Variants in P3H1 observed in about 807,000 individuals in gnomAD.
P3H1 encodes the protein prolyl 3-hydroxylase 1, also known as growth suppressor 1.
In P3H1, 69 loss-of-function variants were observed where a neutral mutation model predicts 84.0. The ratio of observed to expected loss-of-function variants is 0.82; its 90% confidence interval spans 0.68 to 1.00. The LOEUF is 1.00. P3H1 is among the 50% of genes least tolerant of loss of function. P3H1 has a pLI of 0.00. For synonymous variants in P3H1, 366 were observed against 388.8 expected (o/e 0.94, Z 0.69); for missense variants, 878 against 962.8 (o/e 0.91, Z 1.17).
intron 5 of P3H1, among the ~76,000 whole-genome samples, chr1:42,757,310 C>T (rs1652453138): frequency 6.6e-6 from 1 of 152,068 alleles, no homozygotes; most frequent in African/African-American, 2.4e-5. Flanking sequence ...ACAGATATTT[C>T]TCCTGGTTTT....
At chr1:42,766,448 C>T in intron 1 of P3H1, 59 bp downstream of exon 1, 2 of 1,445,878 alleles carry the variant, frequency 1.4e-6, no homozygotes, top group Non-Finnish European at 1.9e-6. Flanking sequence ...CCTCAGGTCC[C>T]CTGCAACACT....
At chr1:42,747,522 G>A in intron 13 of P3H1, 110 bp from the exon 14 acceptor site, 2 of 1,192,944 alleles carry the variant, frequency 1.7e-6, no homozygotes, top group Admixed American at 1.8e-5. Flanking sequence ...TCTTCAGTAT[G>A]GCTTCCCTAA....
Position 42,746,632 on chromosome 1 carries a change from A to C in P3H1, c.*65T>G. ...GCTCTGCAGCCCCGAGGGGCTGGCC[A>C]GCTCAGAGTGCAGAAGAGTTCCTCT... On this transcript the variant is annotated 3_prime_UTR_variant, in exon 15 of 15. Coordinates refer to ENST00000296388, the MANE Select transcript of P3H1 (RefSeq NM_022356.4). The C allele has an allele frequency of 7.3e-7, 1 of 1,372,862 alleles. No homozygotes were observed. Among genetic ancestry groups the C allele is most frequent in the Non-Finnish European group, 1.0e-6 (1 of 985,856 alleles). The allele number at this position is 1,372,862 out of a possible 1,614,324, so 85.0% of individuals were successfully genotyped here.
At chr1:42,750,527 T>C (rs570508077) in intron 10 of P3H1, among the ~76,000 whole-genome samples, 191 bp from the exon 11 acceptor site, 6 of 152,222 alleles carry the variant, frequency 3.9e-5, no homozygotes, top group Admixed American at 3.9e-4. Flanking sequence ...TCTCACGAGA[T>C]CTGGTGGCTT....
intron 1 of P3H1, among the ~76,000 whole-genome samples, chr1:42,762,846 T>A (rs1451260336): frequency 1.3e-5 from 2 of 152,100 alleles, no homozygotes; most frequent in African/African-American, 2.4e-5. Context: ...AATCCCAGCA[T>A]TTTTAGAGGC....
At chr1:42,750,478 G>T (rs1376734498) in intron 10 of P3H1, 142 bp from the exon 11 acceptor site, 4 of 876,852 alleles carry the variant, frequency 4.6e-6, no homozygotes, top group African/African-American at 3.3e-5. Context: ...AATAATGGGG[G>T]TGGATCTTTC....
intron 2 of P3H1, among the ~76,000 whole-genome samples, chr1:42,759,596 C>A (rs1039938031): frequency 6.6e-6 from 1 of 152,064 alleles, no homozygotes; most frequent in African/African-American, 2.4e-5. Context: ...ACATTTAGCT[C>A]TTTTTTTCTT....
At chr1:42,748,867 T>C (rs1444053143) in intron 11 of P3H1, 1 of 206,064 alleles carries the variant, frequency 4.9e-6, no homozygotes. Context: ...AGACCACGTC[T>C]TTCCCCAACG....
chr1:42,747,550 A>C (rs900444881), intron 13 of P3H1, 138 bp from the exon 14 acceptor site: 1 of 1,115,442 alleles, frequency 9.0e-7, no homozygotes, highest in Non-Finnish European at 1.4e-6. Context: ...ACTAAAGAGA[A>C]AGGGTGACTG....
intron 1 of P3H1, among the ~76,000 whole-genome samples, chr1:42,765,376 T>A (rs548893378): frequency 6.6e-6 from 1 of 152,360 alleles, no homozygotes; most frequent in South Asian, 2.1e-4. Context: ...CCTAAGTATA[T>A]GCCCTTGCAG....
intron 2 of P3H1, 63 bp from the exon 3 acceptor site, chr1:42,759,453 C>G (rs1557573814): frequency 1.4e-6 from 2 of 1,447,842 alleles, no homozygotes; most frequent in East Asian, 4.7e-5. Context: ...TCCTTGCCCT[C>G]AGCCACCTTC....
chr1:42,751,546 A>G, intron 10 of P3H1: 1 of 143,344 alleles, frequency 7.0e-6, no homozygotes, highest in African/African-American at 2.6e-5. Context: ...CTCTGCGAGA[A>G]ACACCCAAGA....
rs778221859 is a variant in P3H1, at chr1:42,752,279, G to A, written c.1564C>T (p.Leu522Phe). ...KFYGVTVFKA[L>F]KLGQEGKVPL... ...ATGCCCAGTGTTGATCTTACCTTGA[G>A]GGCTTTGAAGACAGTGACACCATAG... The change falls in exon 10 of 15, where the codon CTC becomes TTC. Residue 522 changes from leucine (L) to phenylalanine (F), a missense_variant. Transcript: ENST00000296388. 2.5e-6 allele frequency: 4 copies of A among 1,613,150 alleles called. No homozygotes were observed. The highest frequency in any genetic ancestry group is 3.4e-6 in the Non-Finnish European group (4 of 1,179,162).
intron 8 of P3H1, among the ~76,000 whole-genome samples, chr1:42,753,670 C>G (rs946613913): frequency 7.9e-5 from 12 of 152,180 alleles, no homozygotes; most frequent in Non-Finnish European, 1.5e-4. Flanking sequence ...TGCCTATAAT[C>G]TCAGCACTTT....
chr1:42,762,237 C>A, intron 2 of P3H1, 86 bp downstream of exon 2: 1 of 1,432,254 alleles, frequency 7.0e-7, no homozygotes, highest in Non-Finnish European at 9.8e-7. Context: ...AGCCACTGCA[C>A]TCCAGCCTGG....
At position 42,754,465 on chromosome 1, in the gene P3H1, C is replaced by A. The variant is rs1045318369; in HGVS notation, c.1345+404G>T. On this transcript the variant is annotated intron_variant, in intron 8 of 14. Coordinates refer to ENST00000296388, the MANE Select transcript of P3H1 (RefSeq NM_022356.4). This position sits in a 1 kb window ranked among gnomAD's most constrained non-coding sequence, Gnocchi z 4.0. ...AGTGGGGAGACAGGATGAGTTAATA[C>A]CTATGGAAGTGGACAACACTAGTCA... Among the ~76,000 whole-genome samples the A allele has an allele frequency of 4.6e-5, 7 of 152,086 alleles. No homozygotes were observed. The highest frequency in any genetic ancestry group is 1.7e-4 in the African/African-American group (7 of 41,388).
intron 10 of P3H1, 60 bp downstream of exon 10, chr1:42,752,214 T>G: frequency 7.1e-7 from 1 of 1,409,168 alleles, no homozygotes; most frequent in Non-Finnish European, 1.0e-6. Context: ...CCTCAAAGCC[T>G]GAGCTTCCCC....
intron 11 of P3H1, 177 bp from the exon 12 acceptor site, chr1:42,748,494 C>G (rs1032178082): frequency 1.5e-6 from 1 of 666,040 alleles, no homozygotes; most frequent in South Asian, 1.6e-5. Flanking sequence ...TGCAGGCTTC[C>G]TAGGACAGTT....
Position 42,766,792 on chromosome 1 carries a change from C to T in P3H1, c.180G>A (p.Arg60=). 6.2e-7 allele frequency: 1 copy of T among 1,601,920 alleles called. No homozygotes were observed. Among genetic ancestry groups the T allele is most frequent in the Non-Finnish European group, 8.5e-7 (1 of 1,178,618 alleles). ...DWPGVVLSME[R]ALRSRAALRA... Reference sequence around the variant, plus strand: ...GGAGGGCTGCCCGGGAGCGCAGCGCCCGTTCCATGCTCAGGACCACCCCGG... The same window carrying T: ...GGAGGGCTGCCCGGGAGCGCAGCGCTCGTTCCATGCTCAGGACCACCCCGG... The change falls in exon 1 of 15, where the codon CGG becomes CGA. Residue 60 remains arginine (R), a synonymous_variant. Transcript: ENST00000296388.
Sources: allele counts gnomAD v4.1 joint callset (sites outside exome capture counted in the v4.1 genomes callset), GRCh38; gene constraint gnomAD v4.1.1; non-coding constraint Gnocchi (gnomAD v3.1); transcripts MANE v1.5; gene names NCBI Gene and HGNC (gene_info 2026-07-23, HGNC 2026-07-21).